The following TMEM170A variants were observed in gnomAD, a reference collection of about 807,000 sequenced individuals.
TMEM170A encodes the protein transmembrane protein 170.
TMEM170A carries 18 observed loss-of-function variants against 12.8 expected under a neutral mutation model. The observed-to-expected ratio is 1.41, with a 90% CI of 0.97 to 2.09. TMEM170A has a LOEUF of 2.09. Ranked by LOEUF, TMEM170A falls within the 30% of genes most tolerant of loss-of-function variation. The probability of loss-of-function intolerance (pLI) is 0.00; values close to 1 mark genes in which losing one functional copy is unlikely to be tolerated. For synonymous variants in TMEM170A, 107 were observed against 76.2 expected (o/e 1.40, Z -2.11); for missense variants, 220 against 179.9 (o/e 1.22, Z -1.28).
At chr16:75,464,361 G>A (rs1172624906) in intron 1 of TMEM170A, 107 bp downstream of exon 1, 7 of 1,365,648 alleles carry the variant, frequency 5.1e-6, no homozygotes, top group Non-Finnish European at 6.6e-6. Context: ...CAGCGCCCAC[G>A]CCGCCAGCAG....
At position 75,447,974 on chromosome 16, in the gene TMEM170A, C is replaced by A. The variant is rs79502615; in HGVS notation, c.305-286G>T. ...AATCTGGAAGAAATAATCAAAATCA[C>A]AAAGATAGCAATTCCCACATGACCA... On this transcript the variant is annotated intron_variant, in intron 2 of 2. Coordinates refer to ENST00000561878, the MANE Select transcript of TMEM170A (RefSeq NM_145254.3). Among the ~76,000 whole-genome samples the A allele has an allele frequency of 3.7e-3, 571 of 152,296 alleles. 4 individuals carry two copies. The highest frequency in any genetic ancestry group is 0.012 in the African/African-American group (506 of 41,574).
intron 1 of TMEM170A, among the ~76,000 whole-genome samples, chr16:75,455,456 G>C (rs1283798421): frequency 1.3e-5 from 2 of 151,322 alleles, no homozygotes; most frequent in African/African-American, 4.9e-5. Context: ...TGTAGAATAA[G>C]ATCCTGTTTT....
chr16:75,455,447 G>A (rs1188987129), intron 1 of TMEM170A, among the ~76,000 whole-genome samples: 1 of 151,876 alleles, frequency 6.6e-6, no homozygotes, highest in Non-Finnish European at 1.5e-5. Flanking sequence ...CCAGTTGCAT[G>A]TAGAATAAGA....
chr16:75,453,034 C>A (rs1014777833), intron 1 of TMEM170A, among the ~76,000 whole-genome samples: 3 of 152,100 alleles, frequency 2.0e-5, no homozygotes, highest in Non-Finnish European at 4.4e-5. Flanking sequence ...ACCCATAAAG[C>A]CTAACATATT....
intron 1 of TMEM170A, among the ~76,000 whole-genome samples, chr16:75,452,259 C>T (rs1293772955): frequency 1.3e-5 from 2 of 151,682 alleles, no homozygotes; most frequent in African/African-American, 2.4e-5. Flanking sequence ...CGTGAGCCAC[C>T]GCGCCCAGTC....
chr16:75,449,878 G>A (rs1232501801), intron 2 of TMEM170A, among the ~76,000 whole-genome samples: 1 of 152,168 alleles, frequency 6.6e-6, no homozygotes, highest in Non-Finnish European at 1.5e-5. Flanking sequence ...TTGGGATAAT[G>A]AAGCGAAGAA....
intron 2 of TMEM170A, among the ~76,000 whole-genome samples, chr16:75,449,772 A>G (rs1173477050): frequency 2.0e-5 from 3 of 152,216 alleles, no homozygotes; most frequent in Non-Finnish European, 4.4e-5. Flanking sequence ...TCTGAAAGAC[A>G]TGTTTCATTG....
chr16:75,449,233 C>A (rs1597435886), intron 2 of TMEM170A, among the ~76,000 whole-genome samples: 1 of 152,090 alleles, frequency 6.6e-6, no homozygotes. Flanking sequence ...AAGGTATGAT[C>A]GCTATTCTCA....
chr16:75,457,996 C>T lies in TMEM170A; in HGVS notation c.134-6157G>A, dbSNP rs547403523. 1.1e-4 allele frequency among the ~76,000 whole-genome samples: 17 copies of T among 152,272 alleles called. No individual in the cohort carries two copies. In the East Asian group the frequency reaches 1.3e-3, roughly 12 times the overall value. ...AGCAAAGGCAAACCTGAATCTAAAA[C>T]GCTTTTTAAAAAACTAAGTGATTTC... is the stretch of plus-strand genomic sequence containing the variant. On this transcript the variant is annotated intron_variant, in intron 1 of 2. Coordinates refer to ENST00000561878, the MANE Select transcript of TMEM170A (RefSeq NM_145254.3).
At chr16:75,453,512 C>T (rs909196875) in intron 1 of TMEM170A, among the ~76,000 whole-genome samples, 7 of 152,148 alleles carry the variant, frequency 4.6e-5, no homozygotes, top group Non-Finnish European at 5.9e-5. Flanking sequence ...CCAATTGATA[C>T]GGTACTATGC....
intron 1 of TMEM170A, among the ~76,000 whole-genome samples, chr16:75,455,648 C>T (rs1458174087): frequency 6.6e-6 from 1 of 151,872 alleles, no homozygotes; most frequent in Non-Finnish European, 1.5e-5. Flanking sequence ...CCTAAAAATA[C>T]GTAAAAATTA....
rs773681041 is a variant in TMEM170A at position 75,446,490 on chromosome 16, G to A, written c.*1068C>T. 2 of 152,102 alleles carry A rather than the reference G, an allele frequency of 1.3e-5. No individual in the cohort carries two copies. The highest frequency in any genetic ancestry group is 4.1e-4 in the South Asian group (2 of 4,820). 9.4% of individuals were successfully genotyped at this position (152,102 alleles called of 1,614,324 possible). A position where few individuals can be genotyped will look rare whatever the true frequency, so the allele number is the denominator to read the frequency against. ...AATAAAAATGTAAAGGGGAGAGTGGGTACATATCTGAACATTAAACTTTAG... is the reference window on the plus strand; with the variant it reads ...AATAAAAATGTAAAGGGGAGAGTGGATACATATCTGAACATTAAACTTTAG... On this transcript the variant is annotated 3_prime_UTR_variant, in exon 3 of 3. Coordinates refer to ENST00000561878, the MANE Select transcript of TMEM170A (RefSeq NM_145254.3).
Position 75,447,597 on chromosome 16 carries a change from G to A in TMEM170A, c.396C>T (p.Val132=). 6.2e-7 allele frequency: 1 copy of A among 1,613,358 alleles called. No individual in the cohort carries two copies. Among genetic ancestry groups the A allele is most frequent in the Non-Finnish European group, 8.5e-7 (1 of 1,179,720 alleles). The part of the protein sequence containing the change: ...LTLGTGQTFC[V]LVVSFLRILA... ...AAATCCGTAAAAAGGAGACCACCAA[G>A]ACGCAAAATGTCTGTCCAGTGCCCA... Residue 132 remains valine, a synonymous_variant, in exon 3 of 3, where the codon GTC becomes GTT. Transcript: ENST00000561878.
At chr16:75,464,358 C>A in intron 1 of TMEM170A, 110 bp downstream of exon 1, 1 of 1,382,394 alleles carries the variant, frequency 7.2e-7, no homozygotes, top group Non-Finnish European at 9.4e-7. Flanking sequence ...GGACAGCGCC[C>A]ACGCCGCCAG....
chr16:75,450,530 A>G (rs1023538769), intron 2 of TMEM170A, among the ~76,000 whole-genome samples: 15 of 152,224 alleles, frequency 9.9e-5, no homozygotes, highest in African/African-American at 1.9e-4. Flanking sequence ...AGCAAAAGCC[A>G]TAACAAACCA....
chr16:75,456,156 G>C (rs2079791098), intron 1 of TMEM170A, among the ~76,000 whole-genome samples: 1 of 151,938 alleles, frequency 6.6e-6, no homozygotes, highest in African/African-American at 2.4e-5. Flanking sequence ...CAAATTCTTT[G>C]CCCATTTTGA....
chr16:75,451,500 T>A (rs2079680360), intron 2 of TMEM170A, 169 bp downstream of exon 2: 6 of 672,586 alleles, frequency 8.9e-6, no homozygotes. Context: ...AGTGAGCCAA[T>A]ATTGCAACCA....
At chr16:75,447,721 C>CAAAAAA (rs372208743) in intron 2 of TMEM170A, 33 bp from the exon 3 acceptor site, 2 of 1,552,760 alleles carry the variant, frequency 1.3e-6, no homozygotes, top group Non-Finnish European at 1.7e-6. Context: ...TAAACAAAAA[C>CAAAAAA]AAAAAACGAA....
intron 1 of TMEM170A, among the ~76,000 whole-genome samples, chr16:75,459,558 C>T (rs1443899555): frequency 6.6e-6 from 1 of 152,114 alleles, no homozygotes; most frequent in African/African-American, 2.4e-5. Flanking sequence ...TGGGGATTAA[C>T]ACTCTTATGT....
Sources: allele counts gnomAD v4.1 joint callset (sites outside exome capture counted in the v4.1 genomes callset), GRCh38; gene constraint gnomAD v4.1.1; transcripts MANE v1.5; gene names NCBI Gene and HGNC (gene_info 2026-07-23, HGNC 2026-07-21).